Variants in INPP4B observed in about 807,000 individuals in gnomAD.
The protein encoded by INPP4B is inositol polyphosphate-4-phosphatase type II B, also known as inositol polyphosphate 4-phosphatase type II.
In INPP4B, 55 loss-of-function variants were observed where a neutral mutation model predicts 122.5. The observed-to-expected ratio is 0.45, with a 90% CI of 0.36 to 0.56. INPP4B has a LOEUF of 0.56. Ranked by LOEUF, INPP4B falls within the 20% of genes least tolerant of loss-of-function variation. INPP4B has a pLI of 0.00. For missense variants in INPP4B, 1,000 were observed against 1,097.7 expected (o/e 0.91, Z 1.26); for synonymous variants, 403 against 388.7 (o/e 1.04, Z -0.43).
intron 23 of INPP4B, among the ~76,000 whole-genome samples, chr4:142,097,234 T>TATTTTA (rs1782284120): frequency 6.8e-6 from 1 of 146,956 alleles, no homozygotes; most frequent in Non-Finnish European, 1.5e-5. Flanking sequence ...ATTTTTATTT[T>TATTTTA]ATTTTATTTT....
rs552756704 is a variant in INPP4B, at chr4:142,136,664, G to A, written c.1720+9176C>T. On this transcript the variant is annotated intron_variant, in intron 18 of 25. Coordinates refer to ENST00000262992, the MANE Select transcript of INPP4B (RefSeq NM_001101669.3). ...GATGTCAAAGTGCCTTGAAGTGGCA[G>A]GTAGGGGTAAAGAAATGTAGGGCCT... Among the ~76,000 whole-genome samples the A allele has an allele frequency of 7.9e-5, 12 of 152,312 alleles. No individual in the cohort carries two copies. The East Asian group carries it at 2.3e-3, about 29-fold the overall frequency.
chr4:142,640,963 T>A (rs998937209), intron 2 of INPP4B, among the ~76,000 whole-genome samples: 1 of 152,198 alleles, frequency 6.6e-6, no homozygotes, highest in Non-Finnish European at 1.5e-5. Flanking sequence ...GAACTCTGAC[T>A]TACTGCTGCT....
intron 1 of INPP4B, among the ~76,000 whole-genome samples, chr4:142,793,542 T>G (rs772736471): frequency 6.6e-6 from 1 of 152,104 alleles, no homozygotes. Context: ...TGTAAGGATT[T>G]TCCTCAGAGG....
intron 5 of INPP4B, among the ~76,000 whole-genome samples, chr4:142,407,103 A>AGATTTAG (rs1285147892): frequency 6.6e-6 from 1 of 152,218 alleles, no homozygotes; most frequent in Non-Finnish European, 1.5e-5. Context: ...AGAAAAAGCT[A>AGATTTAG]GATTTAGATT....
intron 14 of INPP4B, among the ~76,000 whole-genome samples, chr4:142,205,978 G>C (rs1381006173): frequency 6.6e-6 from 1 of 152,032 alleles, no homozygotes; most frequent in East Asian, 1.9e-4. Context: ...ATTATGGATT[G>C]AGTAACTTAT....
At chr4:142,601,113 T>A (rs1164305951) in intron 2 of INPP4B, among the ~76,000 whole-genome samples, 1 of 152,134 alleles carries the variant, frequency 6.6e-6, no homozygotes, top group Non-Finnish European at 1.5e-5. Flanking sequence ...AATTTCCACA[T>A]CATACTTTCA....
At chr4:142,640,841 T>A (rs1205283598) in intron 2 of INPP4B, among the ~76,000 whole-genome samples, 1 of 151,986 alleles carries the variant, frequency 6.6e-6, no homozygotes, top group African/African-American at 2.4e-5. Flanking sequence ...TCATTAATAA[T>A]CATGGAAATG....
chr4:142,355,274 G>T (rs1417622742), intron 7 of INPP4B, among the ~76,000 whole-genome samples: 1 of 151,970 alleles, frequency 6.6e-6, no homozygotes, highest in African/African-American at 2.4e-5. Context: ...TTTATAGGAG[G>T]AGCTGCAAAG....
intron 1 of INPP4B, among the ~76,000 whole-genome samples, chr4:142,789,560 A>G (rs115801714): frequency 2.0e-5 from 3 of 152,238 alleles, no homozygotes; most frequent in Non-Finnish European, 2.9e-5. Flanking sequence ...GCAGAAAACT[A>G]CAAAATACTG....
intron 11 of INPP4B, among the ~76,000 whole-genome samples, chr4:142,256,747 T>C (rs578118937): frequency 1.3e-5 from 2 of 152,138 alleles, no homozygotes; most frequent in African/African-American, 2.4e-5. Flanking sequence ...CAGGACCAGA[T>C]GGATTCACAG....
rs571733141 is a variant in INPP4B at position 142,512,546 on chromosome 4, T to C, written c.-190-49820A>G. Among the ~76,000 whole-genome samples the C allele has an allele frequency of 1.8e-4, 28 of 152,300 alleles. No homozygotes were observed. In the South Asian group the frequency reaches 4.6e-3, roughly 25 times the overall value. ...AAGAAAAGACTGATAATGTAAACAT[T>C]ACTACTTGAGCTTGGGCAAGTTTAT... On this transcript the variant is annotated intron_variant, in intron 2 of 25. Transcript: ENST00000262992.
intron 3 of INPP4B, among the ~76,000 whole-genome samples, chr4:142,448,300 C>G (rs1033133190): frequency 8.1e-6 from 1 of 123,388 alleles, no homozygotes; most frequent in African/African-American, 3.3e-5. Context: ...TATAAAGTGC[C>G]GAATCAATTA....
At chr4:142,625,224 T>C (rs1746065844) in intron 2 of INPP4B, among the ~76,000 whole-genome samples, 2 of 152,002 alleles carry the variant, frequency 1.3e-5, no homozygotes, top group Admixed American at 6.6e-5. Context: ...ATTGTATATC[T>C]AGAAAACCCC....
At chr4:142,648,324 G>T (rs1211322073) in intron 2 of INPP4B, among the ~76,000 whole-genome samples, 1 of 152,232 alleles carries the variant, frequency 6.6e-6, no homozygotes, top group Non-Finnish European at 1.5e-5. Flanking sequence ...TGGTTGGACA[G>T]TGGGTGCAGC....
At chr4:142,524,067 T>C (rs980006390) in intron 2 of INPP4B, among the ~76,000 whole-genome samples, 5 of 151,500 alleles carry the variant, frequency 3.3e-5, no homozygotes, top group African/African-American at 9.7e-5. Context: ...TTGTTGGACA[T>C]TTGGGATGGT....
chr4:142,236,932 C>T (rs902851992), intron 12 of INPP4B, among the ~76,000 whole-genome samples: 2 of 152,150 alleles, frequency 1.3e-5, no homozygotes, highest in Admixed American at 6.5e-5. Context: ...TTAAAAGTTG[C>T]TAATTTAATG....
At chr4:142,739,088 A>T (rs1389692862) in intron 1 of INPP4B, among the ~76,000 whole-genome samples, 1 of 152,036 alleles carries the variant, frequency 6.6e-6, no homozygotes, top group Non-Finnish European at 1.5e-5. Flanking sequence ...ACAAAATAAA[A>T]CCCTCAAAGA....
In INPP4B at chr4:142,612,014, G is replaced by A. The variant is rs571246316; in HGVS notation, c.-191+113825C>T. 1.2e-4 allele frequency among the ~76,000 whole-genome samples: 19 copies of A among 152,290 alleles called. No individual in the cohort carries two copies. The South Asian group carries it at 3.9e-3, about 32-fold the overall frequency. On this transcript the variant is annotated intron_variant, in intron 2 of 25. Transcript: ENST00000262992. ...ACAGGTTTCTGTAGCTCACTGTATA[G>A]CATACACAGGTTTACATGCATTATT...
intron 2 of INPP4B, among the ~76,000 whole-genome samples, chr4:142,496,184 T>C (rs1366822490): frequency 6.6e-6 from 1 of 152,158 alleles, no homozygotes; most frequent in Non-Finnish European, 1.5e-5. Flanking sequence ...AATTACAAAG[T>C]ATGTATTTTT....
Sources: allele counts gnomAD v4.1 joint callset (sites outside exome capture counted in the v4.1 genomes callset), GRCh38; gene constraint gnomAD v4.1.1; transcripts MANE v1.5; gene names NCBI Gene and HGNC (gene_info 2026-07-23, HGNC 2026-07-21).